The following AGPS variants were observed in gnomAD, a reference collection of about 807,000 sequenced individuals.
AGPS encodes alkylglycerone phosphate synthase, also known as alkyldihydroxyacetonephosphate synthase, peroxisomal.
A neutral mutation model predicts 90.7 loss-of-function variants in AGPS; 26 were observed. The ratio of observed to expected loss-of-function variants is 0.29; its 90% confidence interval spans 0.21 to 0.40. The LOEUF is 0.40. Among genes scored for constraint, AGPS ranks in the 10% least tolerant of loss-of-function variants. The probability of loss-of-function intolerance (pLI) is 1.00; values close to 1 mark genes in which losing one functional copy is unlikely to be tolerated. For missense variants in AGPS, 540 were observed against 816.1 expected (o/e 0.66, Z 4.12); for synonymous variants, 294 against 285.3 (o/e 1.03, Z -0.31).
intron 16 of AGPS, among the ~76,000 whole-genome samples, chr2:177,509,220 C>T (rs563310722): frequency 2.6e-4 from 39 of 152,262 alleles, no homozygotes; most frequent in African/African-American, 7.0e-4. Context: ...TTATGTTATA[C>T]TATCACTCAG....
intron 3 of AGPS, among the ~76,000 whole-genome samples, chr2:177,434,911 G>A (rs1323413513): frequency 1.3e-5 from 2 of 149,262 alleles, no homozygotes; most frequent in East Asian, 3.9e-4. Flanking sequence ...GTAAAAATTT[G>A]ATTAAGATAT....
At position 177,499,607 on chromosome 2, in the gene AGPS, T is replaced by A; in HGVS notation, c.1363-11T>A. The stretch of plus-strand genomic sequence containing the variant: ...ACTTATCTGTAATAATAAATTTTTT[T>A]TTTTTTGTAGTTTAAAGGATTTGAC... On this transcript the variant is annotated splice_polypyrimidine_tract_variant and intron_variant, in intron 13 of 19. Transcript: ENST00000264167. 1 of 1,558,426 alleles carries A rather than the reference T, an allele frequency of 6.4e-7. No individual in the cohort carries two copies. Among genetic ancestry groups the A allele is most frequent in the Non-Finnish European group, 8.8e-7 (1 of 1,133,468 alleles).
At chr2:177,499,147 AAGATTGTT>A (rs1251538870) in intron 13 of AGPS, among the ~76,000 whole-genome samples, 1 of 151,720 alleles carries the variant, frequency 6.6e-6, no homozygotes, top group Non-Finnish European at 1.5e-5. Flanking sequence ...ATTTCTTTTT[AAGATTGTT>A]AGATACTGTT....
Position 177,497,684 on chromosome 2 carries a change from CT to C in AGPS, c.1286-3del. 6.5e-7 allele frequency: 1 copy of C among 1,545,230 alleles called. No individual in the cohort carries two copies. Among genetic ancestry groups the C allele is most frequent in the Non-Finnish European group, 8.8e-7 (1 of 1,133,778 alleles). On this transcript the variant is annotated splice_region_variant and splice_polypyrimidine_tract_variant and intron_variant, in intron 12 of 19. Coordinates refer to ENST00000264167, the MANE Select transcript of AGPS (RefSeq NM_003659.4). ...CTATTAATATAAACTTTTTTCTCTT[CT>C]TAGGTCATGCTCTTAAACCTCAGGT...
At chr2:177,399,969 A>G (rs1685288304) in intron 1 of AGPS, among the ~76,000 whole-genome samples, 1 of 152,170 alleles carries the variant, frequency 6.6e-6, no homozygotes, top group Admixed American at 6.5e-5. Flanking sequence ...CATTGGGTAG[A>G]TATATACCAC....
intron 10 of AGPS, among the ~76,000 whole-genome samples, chr2:177,480,199 C>A (rs568267931): frequency 6.6e-6 from 1 of 152,008 alleles, no homozygotes; most frequent in Non-Finnish European, 1.5e-5. Context: ...TAAAAAAATA[C>A]CATTTGACCC....
At chr2:177,509,168 G>A (rs1017868012) in intron 16 of AGPS, among the ~76,000 whole-genome samples, 5 of 151,980 alleles carry the variant, frequency 3.3e-5, no homozygotes, top group South Asian at 2.1e-4. Context: ...GAGTTAGTAC[G>A]CTGGTGTTCG....
intron 8 of AGPS, among the ~76,000 whole-genome samples, chr2:177,453,336 A>T (rs1417219527): frequency 6.7e-6 from 1 of 149,866 alleles, no homozygotes; most frequent in Non-Finnish European, 1.5e-5. Context: ...CAGTGGCCTG[A>T]TATCGGCTCA....
At chr2:177,458,773 C>G (rs1687197192) in intron 8 of AGPS, among the ~76,000 whole-genome samples, 1 of 152,190 alleles carries the variant, frequency 6.6e-6, no homozygotes, top group Non-Finnish European at 1.5e-5. Context: ...AGATGCAATG[C>G]TATTCCCATC....
chr2:177,465,970 G>A (rs1054964656), intron 9 of AGPS, among the ~76,000 whole-genome samples: 4 of 152,200 alleles, frequency 2.6e-5, no homozygotes, highest in African/African-American at 4.8e-5. Flanking sequence ...TGAGGTATGC[G>A]GACAAGTGGA....
At chr2:177,458,890 A>AGAAG (rs1156710533) in intron 8 of AGPS, among the ~76,000 whole-genome samples, 4 of 152,220 alleles carry the variant, frequency 2.6e-5, no homozygotes. Flanking sequence ...AAGAAGAACA[A>AGAAG]AGCTGGAGGC....
intron 7 of AGPS, 23 bp from the exon 8 acceptor site, chr2:177,445,523 A>T (rs765703978): frequency 1.9e-6 from 3 of 1,590,288 alleles, no homozygotes; most frequent in African/African-American, 1.3e-5. Flanking sequence ...TGGAGATCAG[A>T]TTTCTTTCTT....
chr2:177,461,441 G>T (rs1033146754), intron 8 of AGPS, among the ~76,000 whole-genome samples: 1 of 152,192 alleles, frequency 6.6e-6, no homozygotes, highest in African/African-American at 2.4e-5. Flanking sequence ...TTTTCTGCAG[G>T]CCTGCTGCAT....
chr2:177,449,225 A>C (rs545030817), intron 8 of AGPS, among the ~76,000 whole-genome samples: 1 of 152,362 alleles, frequency 6.6e-6, no homozygotes, highest in Admixed American at 6.5e-5. Flanking sequence ...GAATGAATAG[A>C]TCAAAATGGT....
At chr2:177,407,276 G>A (rs879385945) in intron 1 of AGPS, among the ~76,000 whole-genome samples, 2 of 152,174 alleles carry the variant, frequency 1.3e-5, no homozygotes, top group Non-Finnish European at 2.9e-5. Flanking sequence ...ATAGAAAGGA[G>A]TAATAAGAAT....
chr2:177,521,587 T>C (rs1689194377), intron 18 of AGPS, among the ~76,000 whole-genome samples: 1 of 152,210 alleles, frequency 6.6e-6, no homozygotes. Context: ...ATTCTTCAGT[T>C]GTTACAGTAC....
rs759572190 is a variant in AGPS, at chr2:177,392,853, G to A, written c.64G>A (p.Ala22Thr). 723 of 1,553,406 alleles carry A rather than the reference G, an allele frequency of 4.7e-4. 1 individual carries two copies. Among genetic ancestry groups the A allele is most frequent in the African/African-American group, 1.3e-3 (96 of 73,200 alleles). The change falls in exon 1 of 20, where the codon GCA becomes ACA. Residue 22 changes from alanine to threonine, a missense_variant. This residue lies in a region of AGPS where 135 missense variants were observed against 124.0 expected (regional missense o/e 1.09). Coordinates refer to ENST00000264167, the MANE Select transcript of AGPS (RefSeq NM_003659.4). ...GLGAGASYGS[A>T]ADRDRDPDPD... ...GGGCGCGGGCGCGAGCTACGGGTCT[G>A]CAGCGGACCGGGACCGGGACCCGGA...
chr2:177,434,997 GTATATATA>G (rs1553509324), intron 3 of AGPS, among the ~76,000 whole-genome samples: 17 of 128,130 alleles, frequency 1.3e-4, no homozygotes, highest in Middle Eastern at 5.0e-3. Flanking sequence ...TAAACTGTAG[GTATATATA>G]TATATATATA....
chr2:177,455,576 G>C (rs1032784591), intron 8 of AGPS, among the ~76,000 whole-genome samples: 28 of 152,116 alleles, frequency 1.8e-4, no homozygotes, highest in African/African-American at 6.5e-4. Flanking sequence ...TTACAGGTGT[G>C]AGCCACCATG....
Sources: gnomAD v4.1 joint callset for allele counts (sites outside exome capture counted in the v4.1 genomes callset) on GRCh38, gnomAD v4.1.1 for gene constraint, gnomAD v4.1.1 regional missense constraint, MANE v1.5 for transcripts, NCBI Gene and HGNC (gene_info 2026-07-23, HGNC 2026-07-21) for gene names.